Variants in DNHD1 observed in about 807,000 individuals in gnomAD.
The protein encoded by DNHD1 is dynein heavy chain domain 1, also known as dynein heavy chain domain-containing protein 1.
In DNHD1, 383 loss-of-function variants were observed where a neutral mutation model predicts 458.1. The ratio of observed to expected loss-of-function variants is 0.84; its 90% CI spans 0.77 to 0.91. The LOEUF is 0.91. Ranked by LOEUF, DNHD1 falls within the 40% of genes least tolerant of loss-of-function variation. The pLI is 0.00. For synonymous variants in DNHD1, 2,203 were observed against 2,376.9 expected (o/e 0.93, Z 2.13); for missense variants, 5,336 against 5,866.1 (o/e 0.91, Z 2.95).
rs267603118 is a variant in DNHD1 at position 6,547,188 on chromosome 11, G to A, written c.6249G>A (p.Trp2083Ter). Reference protein sequence around the residue: ...QTEESIGIQHWIICDGASNGA... With the variant: ...QTEESIGIQH Reference sequence around the variant, plus strand: ...AGGAATCAATCGGGATCCAGCACTGGATAATATGTGATGGAGCCTCCAATG... The same window carrying A: ...AGGAATCAATCGGGATCCAGCACTGAATAATATGTGATGGAGCCTCCAATG... The change falls in exon 21 of 43, where the codon TGG becomes TGA. Residue 2083 changes from tryptophan (W) to a stop codon, truncating the protein, a stop_gained. Coordinates refer to ENST00000254579, the MANE Select transcript of DNHD1 (RefSeq NM_144666.3). LOFTEE classifies it high-confidence loss of function. 5.2e-6 allele frequency: 8 copies of A among 1,551,774 alleles called. No homozygotes were observed. Among genetic ancestry groups the A allele is most frequent in the Non-Finnish European group, 7.0e-6 (8 of 1,147,008 alleles).
rs372001042 is a variant in DNHD1 at position 6,546,941 on chromosome 11, G to A, written c.6002G>A (p.Cys2001Tyr). The part of the protein sequence containing the change: ...LGPAGSGKTT[C>Y]WHSLFKIQNR... ...CCTGCGGGCAGCGGCAAGACCACTT[G>A]TTGGCACAGCTTATTTAAGATCCAG... The change falls in exon 21 of 43, where the codon TGT becomes TAT. Residue 2001 changes from cysteine to tyrosine, a missense_variant. Cys to Tyr is a radical substitution (Grantham distance 194). Around this residue, in one of 4 missense-constraint regions of DNHD1, gnomAD observed 3,932 missense variants for 4,365.6 expected, o/e 0.90. Transcript: ENST00000254579. 6.4e-7 allele frequency: 1 copy of A among 1,551,622 alleles called. No individual in the cohort carries two copies. Among genetic ancestry groups the A allele is most frequent in the Non-Finnish European group, 8.7e-7 (1 of 1,146,950 alleles).
In DNHD1 at chr11:6,570,235, C is replaced by A. The variant is rs376792748; in HGVS notation, c.12956-12C>A. 2 of 1,613,508 alleles carry A rather than the reference C, an allele frequency of 1.2e-6. No individual in the cohort carries two copies. Among genetic ancestry groups the A allele is most frequent in the Non-Finnish European group, 1.7e-6 (2 of 1,179,750 alleles). ...AGGTACTGGAACTGAGAGACTCTAA[C>A]CTCATCTTCAGCTTCAGTTTTCTAC... On this transcript the variant is annotated splice_polypyrimidine_tract_variant and intron_variant, in intron 40 of 42. Transcript: ENST00000254579.
rs566040474 is a variant in DNHD1 at position 6,529,996 on chromosome 11, A to T, written c.2347+875A>T. ...GGGTCCCTAGCCCCTCAACACAGGAACTTCATCTAGGCCACTGGCTATCAA... is the reference window on the plus strand; with the variant it reads ...GGGTCCCTAGCCCCTCAACACAGGATCTTCATCTAGGCCACTGGCTATCAA... On this transcript the variant is annotated intron_variant, in intron 12 of 42. Transcript: ENST00000254579. Among the ~76,000 whole-genome samples, 458 of 152,280 alleles carry T rather than the reference A, an allele frequency of 3.0e-3. 2 individuals are homozygous for T. The highest frequency in any genetic ancestry group is 6.8e-3 in the Middle Eastern group (2 of 294).
intron 25 of DNHD1, 47 bp from the exon 26 acceptor site, chr11:6,558,438 G>A: frequency 1.3e-6 from 2 of 1,546,820 alleles, no homozygotes; most frequent in Non-Finnish European, 1.7e-6. Context: ...GCCAGGAGGG[G>A]CAAGCAAAGG....
chr11:6,545,949 C>T lies in DNHD1; in HGVS notation c.5010C>T (p.Ala1670=). The change falls in exon 21 of 43, where the codon GCC becomes GCT. Residue 1670 remains alanine (A), a synonymous_variant. Coordinates refer to ENST00000254579, the MANE Select transcript of DNHD1 (RefSeq NM_144666.3). The surrounding 1 kb of genome is among the most constrained non-coding windows in gnomAD (Gnocchi z 4.9). ...CCAGCCTACTGCCTGAACGGCCAGC[C>T]CTGGTACTATTATTGGCCCTAGAGG... ...PLPSLLPERP[A]LVLLLALEEV... 6.4e-7 allele frequency: 1 copy of T among 1,551,778 alleles called. No homozygotes were observed. Among genetic ancestry groups the T allele is most frequent in the Non-Finnish European group, 8.7e-7 (1 of 1,147,006 alleles).
In DNHD1 at chr11:6,533,070, G is replaced by C; in HGVS notation, c.2391G>C (p.Val797=). ...TAAGGAAGGACATTCTTGCACACGT[G>C]CAAAATGAGTGCTGGAACCTCAGTC... is the stretch of plus-strand genomic sequence containing the variant. ...NSIRKDILAH[V]QNECWNLSQQ... The change falls in exon 13 of 43, where the codon GTG becomes GTC. Residue 797 remains valine, a synonymous_variant. Coordinates refer to ENST00000254579, the MANE Select transcript of DNHD1 (RefSeq NM_144666.3). 6.4e-7 allele frequency: 1 copy of C among 1,551,586 alleles called. No homozygotes were observed. The highest frequency in any genetic ancestry group is 8.7e-7 in the Non-Finnish European group (1 of 1,146,964).
chr11:6,511,500 G>C (rs1852335388), intron 7 of DNHD1, 71 bp downstream of exon 7: 1 of 1,553,072 alleles, frequency 6.4e-7, no homozygotes, highest in African/African-American at 1.4e-5. Flanking sequence ...CCTCCTCTTA[G>C]TTAAGTTTCT....
At chr11:6,518,850 G>A (rs1160017385) in intron 7 of DNHD1, among the ~76,000 whole-genome samples, 1 of 152,060 alleles carries the variant, frequency 6.6e-6, no homozygotes, top group East Asian at 1.9e-4. Context: ...GAAGACTGGG[G>A]CTTGAGCTCA....
chr11:6,524,594 G>T (rs1333953302), intron 10 of DNHD1, among the ~76,000 whole-genome samples: 1 of 152,202 alleles, frequency 6.6e-6, no homozygotes, highest in Admixed American at 6.5e-5. Context: ...TTCTCCTGTA[G>T]ATTGCATGCT....
chr11:6,567,865 G>C lies in DNHD1; in HGVS notation c.12351+5G>C. 6.2e-7 allele frequency: 1 copy of C among 1,607,422 alleles called. No individual in the cohort carries two copies. The highest frequency in any genetic ancestry group is 8.5e-7 in the Non-Finnish European group (1 of 1,177,640). Reference sequence around the variant, plus strand: ...CTGGCTGCCAAGTATCAGCAGGTTTGAACCTAGTTTCTTGGCCACAGAGTG... The same window carrying C: ...CTGGCTGCCAAGTATCAGCAGGTTTCAACCTAGTTTCTTGGCCACAGAGTG... On this transcript the variant is annotated splice_donor_5th_base_variant and intron_variant, in intron 36 of 42. Coordinates refer to ENST00000254579, the MANE Select transcript of DNHD1 (RefSeq NM_144666.3).
intron 24 of DNHD1, among the ~76,000 whole-genome samples, chr11:6,550,042 T>G (rs1328676094): frequency 6.6e-6 from 1 of 152,214 alleles, no homozygotes; most frequent in Non-Finnish European, 1.5e-5. Flanking sequence ...AAGTCTCTTA[T>G]GAGATGTAGA....
In DNHD1 at chr11:6,498,823, A is replaced by C. The variant is rs771615781; in HGVS notation, c.608A>C (p.Gln203Pro). Reference protein sequence around the residue: ...LQRCLGIVGAQVALEEAVWLD... With the variant: ...LQRCLGIVGAPVALEEAVWLD... ...CGCTGCCTGGGCATTGTTGGTGCTCAGGTGGCCCTAGAAGAGGCTGTGTGG... is the reference window on the plus strand; with the variant it reads ...CGCTGCCTGGGCATTGTTGGTGCTCCGGTGGCCCTAGAAGAGGCTGTGTGG... Residue 203 changes from glutamine (Q) to proline (P), a missense_variant, in exon 3 of 43, where the codon CAG becomes CCG. Physicochemically the swap from Gln to Pro is moderately conservative, Grantham distance 76 (BLOSUM62 -1). Coordinates refer to ENST00000254579, the MANE Select transcript of DNHD1 (RefSeq NM_144666.3). 4.3e-6 allele frequency: 7 copies of C among 1,614,138 alleles called. No homozygotes were observed. The South Asian group carries it at 7.7e-5, about 18-fold the overall frequency.
intron 6 of DNHD1, 137 bp from the exon 7 acceptor site, chr11:6,511,136 C>A: frequency 8.4e-7 from 1 of 1,189,496 alleles, no homozygotes; most frequent in Non-Finnish European, 1.2e-6. Flanking sequence ...GGAGCTGTCA[C>A]TATTGGTCAC....
intron 28 of DNHD1, among the ~76,000 whole-genome samples, chr11:6,560,330 T>C (rs1213091146): frequency 6.6e-6 from 1 of 152,150 alleles, no homozygotes; most frequent in African/African-American, 2.4e-5. Flanking sequence ...AGACATGGCA[T>C]ATGTCGTGTC....
chr11:6,539,195 C>G, intron 16 of DNHD1, 24 bp from the exon 17 acceptor site: 1 of 1,505,754 alleles, frequency 6.6e-7, no homozygotes, highest in Non-Finnish European at 9.0e-7. Context: ...GGGTGTTGCT[C>G]TGACTTGTTT....
intron 24 of DNHD1, among the ~76,000 whole-genome samples, chr11:6,556,037 ATGG>A (rs1853455719): frequency 6.6e-6 from 1 of 152,094 alleles, no homozygotes; most frequent in Admixed American, 6.5e-5. Flanking sequence ...CTCAGGCTGG[ATGG>A]TGCGATCAGG....
chr11:6,548,918 C>T lies in DNHD1; in HGVS notation c.7372C>T (p.His2458Tyr), dbSNP rs200281955. 8.8e-4 allele frequency: 1,365 copies of T among 1,551,688 alleles called. 2 individuals carry two copies. The highest frequency in any genetic ancestry group is 1.1e-3 in the Non-Finnish European group (1,235 of 1,146,978). The change falls in exon 24 of 43, where the codon CAC becomes TAC. Residue 2458 changes from histidine to tyrosine, a missense_variant. Coordinates refer to ENST00000254579, the MANE Select transcript of DNHD1 (RefSeq NM_144666.3). This position sits in a 1 kb window ranked among gnomAD's most constrained non-coding sequence, Gnocchi z 4.4. Reference protein sequence around the residue: ...PSLLFLLEDLHLATSDPEKSC... With the variant: ...PSLLFLLEDLYLATSDPEKSC... ...CCTCCTCTTCTTGCTGGAGGACCTG[C>T]ACCTAGCCACTTCTGGTGAGGAGCT...
At chr11:6,517,632 T>C (rs1852504397) in intron 7 of DNHD1, among the ~76,000 whole-genome samples, 2 of 130,654 alleles carry the variant, frequency 1.5e-5, no homozygotes, top group East Asian at 2.6e-4. Context: ...GAAAGACAAA[T>C]ACTGTATGAT....
chr11:6,558,648 G>A lies in DNHD1; in HGVS notation c.9166G>A (p.Ala3056Thr), dbSNP rs1211476629. The A allele has an allele frequency of 6.4e-7, 1 of 1,551,330 alleles. No homozygotes were observed. The highest frequency in any genetic ancestry group is 2.4e-5 in the East Asian group (1 of 40,930). The change falls in exon 26 of 43, where the codon GCC becomes ACC. Residue 3056 changes from alanine (A) to threonine (T), a missense_variant. By Grantham distance (58) the Ala-to-Thr change is moderately conservative. Around this residue, in one of 4 missense-constraint regions of DNHD1, gnomAD observed 3,932 missense variants for 4,365.6 expected, o/e 0.90. Transcript: ENST00000254579. Reference sequence around the variant, plus strand: ...GGACCAAGCTGCCCTGGCCAAGGTGGCCCAGCATCACCTGGAGGGTGCTCA... The same window carrying A: ...GGACCAAGCTGCCCTGGCCAAGGTGACCCAGCATCACCTGGAGGGTGCTCA... ...PWDQAALAKVAQHHLEGAQSV... is the reference protein window; with the variant it reads ...PWDQAALAKVTQHHLEGAQSV...
Sources: allele counts gnomAD v4.1 joint callset (sites outside exome capture counted in the v4.1 genomes callset), GRCh38; gene constraint gnomAD v4.1.1; regional missense constraint gnomAD v4.1.1; non-coding constraint Gnocchi (gnomAD v3.1); transcripts MANE v1.5; gene names NCBI Gene and HGNC (gene_info 2026-07-23, HGNC 2026-07-21).